The following STS variants were observed in gnomAD, a reference collection of about 807,000 sequenced individuals.
The protein encoded by STS is steryl-sulfatase.
Under a neutral mutation model 26.8 loss-of-function variants are expected in STS, and 7 were observed. The ratio of observed to expected loss-of-function variants is 0.26; its 90% CI spans 0.15 to 0.49. The LOEUF is 0.49. Ranked by LOEUF, STS falls within the 20% of genes least tolerant of loss-of-function variation. The probability of loss-of-function intolerance (pLI) is 0.98; values close to 1 mark genes in which losing one functional copy is unlikely to be tolerated. For missense variants in STS, 434 were observed against 465.6 expected (o/e 0.93, Z 0.63); for synonymous variants, 199 against 189.4 (o/e 1.05, Z -0.42).
At chrX:7,206,014 C>T (rs944152370) in intron 2 of STS, among the ~76,000 whole-genome samples, 7 of 111,148 alleles carry the variant, frequency 6.3e-5, no homozygotes, top group African/African-American at 9.8e-5. Flanking sequence ...GTAACCCATC[C>T]ACCCACTGCA....
At chrX:7,293,837 A>G (rs1211537246) in intron 7 of STS, among the ~76,000 whole-genome samples, 1 of 111,926 alleles carries the variant, frequency 8.9e-6, no homozygotes, top group Admixed American at 9.5e-5. Flanking sequence ...ACAGATGGAA[A>G]CAGTACATAG....
intron 2 of STS, among the ~76,000 whole-genome samples, chrX:7,251,964 A>AT (rs1334440380): frequency 9.0e-6 from 1 of 110,614 alleles, no homozygotes; most frequent in African/African-American, 3.3e-5. Context: ...CCTGTCTCAA[A>AT]TTTTTTTAAA....
chrX:7,289,864 G>A (rs751382660), intron 7 of STS, among the ~76,000 whole-genome samples: 8 of 110,857 alleles, frequency 7.2e-5, no homozygotes, highest in African/African-American at 2.6e-4. Flanking sequence ...TATGTTGCCC[G>A]GGCTGGTCTT....
At position 7,257,549 on chromosome X, in the gene STS, A is replaced by C; in HGVS notation, c.343A>C (p.Lys115Gln). 1 of 1,211,846 alleles carries C rather than the reference A, an allele frequency of 8.3e-7. No individual in the cohort carries two copies. The highest frequency in any genetic ancestry group is 1.1e-6 in the Non-Finnish European group (1 of 895,396). The change falls in exon 5 of 11, where the codon AAG becomes CAG. Residue 115 changes from lysine to glutamine, a missense_variant. Lys to Gln is a moderately conservative substitution (Grantham distance 53). Around this residue, in one of 2 missense-constraint regions of STS, gnomAD observed 229 missense variants for 288.3 expected, o/e 0.79. Coordinates refer to ENST00000674429, the MANE Select transcript of STS (RefSeq NM_001320752.2). ...TCCCACCGATGAGATTACCTTTGCT[A>C]AGCTTCTGAAGGATCAAGGTTATTC... Reference protein sequence around the residue: ...GLPTDEITFAKLLKDQGYSTA... With the variant: ...GLPTDEITFAQLLKDQGYSTA...
intron 10 of STS, among the ~76,000 whole-genome samples, chrX:7,346,458 T>TAAAA (rs33973441): frequency 1.2e-5 from 1 of 80,785 alleles, no homozygotes; most frequent in South Asian, 7.2e-4. Context: ...CTTAAACAAG[T>TAAAA]AAAAAAAAAA....
chrX:7,340,953 G>A (rs1414493858), intron 10 of STS, among the ~76,000 whole-genome samples: 1 of 111,968 alleles, frequency 8.9e-6, no homozygotes, highest in African/African-American at 3.2e-5. Context: ...TTGGTCACCT[G>A]TTCACACCTA....
intron 8 of STS, 104 bp downstream of exon 8, chrX:7,305,287 T>C: frequency 9.9e-7 from 1 of 1,006,974 alleles, no homozygotes. Flanking sequence ...TACTTTGCAA[T>C]AGGTAGGACT....
intron 7 of STS, among the ~76,000 whole-genome samples, chrX:7,295,674 T>C (rs1601721296): frequency 9.0e-6 from 1 of 110,767 alleles, no homozygotes; most frequent in Admixed American, 9.7e-5. Context: ...GTATTAAGGA[T>C]CTTGGGGAAA....
At chrX:7,210,074 G>T (rs1434760496) in intron 2 of STS, among the ~76,000 whole-genome samples, 1 of 111,398 alleles carries the variant, frequency 9.0e-6, no homozygotes, top group African/African-American at 3.3e-5. Flanking sequence ...AAATAGTGTT[G>T]CAGTAAACAT....
intron 10 of STS, among the ~76,000 whole-genome samples, chrX:7,339,739 G>A (rs1928195880): frequency 9.0e-6 from 1 of 111,628 alleles, no homozygotes; most frequent in South Asian, 3.7e-4. Context: ...AGACACATCA[G>A]TAACAGCTTA....
intron 10 of STS, among the ~76,000 whole-genome samples, chrX:7,347,563 C>T (rs1928581141): frequency 9.0e-6 from 1 of 111,511 alleles, no homozygotes; most frequent in Non-Finnish European, 1.9e-5. Context: ...GGATTGTGCT[C>T]TAGTAGTAAT....
intron 1 of STS, among the ~76,000 whole-genome samples, chrX:7,156,356 G>T (rs1350895272): frequency 9.1e-6 from 1 of 110,320 alleles, no homozygotes; most frequent in Non-Finnish European, 1.9e-5. Context: ...TAATATATGT[G>T]TGTATATATA....
rs1433005390 is a variant in STS, at chrX:7,315,128, T to G, written c.1081+9945T>G. On this transcript the variant is annotated intron_variant, in intron 8 of 10. Transcript: ENST00000674429. ...ACAGTAATACGCTTCATTGATTAAT[T>G]CATTATTTCATTTATTTCACAAAAT... 5.3e-5 allele frequency among the ~76,000 whole-genome samples: 6 copies of G among 112,341 alleles called. No homozygotes were observed. In the South Asian group the frequency reaches 1.8e-3, roughly 34 times the overall value.
At chrX:7,241,671 T>C (rs770092235) in intron 2 of STS, among the ~76,000 whole-genome samples, 97 of 112,321 alleles carry the variant, frequency 8.6e-4, no homozygotes, top group Non-Finnish European at 1.5e-3. Context: ...ATTGGAGTTA[T>C]CTACTACTGT....
chrX:7,169,901 G>T (rs1480786920), intron 1 of STS, among the ~76,000 whole-genome samples: 1 of 97,914 alleles, frequency 1.0e-5, no homozygotes, highest in Non-Finnish European at 2.1e-5. Flanking sequence ...GGTGGGGGGG[G>T]CTGGGGGGTG....
chrX:7,173,007 G>A (rs1191074699), intron 1 of STS, among the ~76,000 whole-genome samples: 2 of 111,447 alleles, frequency 1.8e-5, no homozygotes, highest in Non-Finnish European at 3.8e-5. Flanking sequence ...CATGTGCCAT[G>A]GTGGTTTGCT....
At chrX:7,219,449 C>T in intron 2 of STS, 1 of 1,087,873 alleles carries the variant, frequency 9.2e-7, no homozygotes, top group Non-Finnish European at 1.2e-6. Flanking sequence ...ACATTATCTG[C>T]CCAAGCACAG....
intron 2 of STS, among the ~76,000 whole-genome samples, chrX:7,204,078 A>T (rs1394105855): frequency 8.9e-6 from 1 of 112,187 alleles, no homozygotes; most frequent in Non-Finnish European, 1.9e-5. Context: ...GAGCCACTGC[A>T]CCTGGACAGA....
intron 2 of STS, among the ~76,000 whole-genome samples, chrX:7,209,415 A>C (rs1157302888): frequency 9.4e-6 from 1 of 106,195 alleles, no homozygotes; most frequent in East Asian, 2.8e-4. Context: ...AGAAATATAT[A>C]TTTTTATACT....
Sources: gnomAD v4.1 joint callset for allele counts (sites outside exome capture counted in the v4.1 genomes callset) on GRCh38, gnomAD v4.1.1 for gene constraint, gnomAD v4.1.1 regional missense constraint, MANE v1.5 for transcripts, NCBI Gene and HGNC (gene_info 2026-07-23, HGNC 2026-07-21) for gene names.